The following LSAMP variants were observed in gnomAD, a reference collection of about 807,000 sequenced individuals.
The protein encoded by LSAMP is limbic system associated membrane protein, also known as limbic system-associated membrane protein.
LSAMP carries 7 observed loss-of-function variants against 38.6 expected under a neutral mutation model. That is an observed-to-expected ratio of 0.18 (90% CI 0.10 to 0.34). The LOEUF (loss-of-function observed/expected upper bound fraction) is 0.34. LSAMP is among the 10% of genes least tolerant of loss of function. The probability of loss-of-function intolerance (pLI) is 1.00; values close to 1 mark genes in which losing one functional copy is unlikely to be tolerated. For synonymous variants in LSAMP, 154 were observed against 166.8 expected (o/e 0.92, Z 0.59); for missense variants, 313 against 420.0 (o/e 0.75, Z 2.23).
At chr3:116,411,422 G>T (rs1274853240) in intron 1 of LSAMP, among the ~76,000 whole-genome samples, 2 of 151,582 alleles carry the variant, frequency 1.3e-5, no homozygotes, top group Non-Finnish European at 2.9e-5. Flanking sequence ...GTGGCACATA[G>T]ACACCATGGA....
chr3:116,230,693 A>G (rs2046393209), intron 1 of LSAMP, among the ~76,000 whole-genome samples: 1 of 152,100 alleles, frequency 6.6e-6, no homozygotes, highest in South Asian at 2.1e-4. Flanking sequence ...AATGTTCACC[A>G]ATTGCTGCCT....
intron 1 of LSAMP, among the ~76,000 whole-genome samples, chr3:116,133,713 T>C (rs1473809225): frequency 6.6e-6 from 1 of 152,246 alleles, no homozygotes; most frequent in African/African-American, 2.4e-5. Context: ...CAATACACTT[T>C]GATTAAAATA....
intron 1 of LSAMP, among the ~76,000 whole-genome samples, chr3:116,288,988 T>TA (rs1300372624): frequency 1.3e-5 from 2 of 152,344 alleles, no homozygotes; most frequent in Admixed American, 1.3e-4. Context: ...TCCATGAGTT[T>TA]ATTAGATTGG....
intron 1 of LSAMP, among the ~76,000 whole-genome samples, chr3:116,319,669 C>A (rs1263943704): frequency 6.6e-6 from 1 of 152,174 alleles, no homozygotes; most frequent in Non-Finnish European, 1.5e-5. Context: ...ATCGGCACCT[C>A]TCTAAAGGTC....
intron 6 of LSAMP, among the ~76,000 whole-genome samples, chr3:115,836,159 C>A (rs1217644609): frequency 2.0e-5 from 3 of 152,188 alleles, no homozygotes. Context: ...TACCCACCCT[C>A]CTTTCAGTGC....
At chr3:116,408,572 A>G (rs1431572086) in intron 1 of LSAMP, among the ~76,000 whole-genome samples, 1 of 152,066 alleles carries the variant, frequency 6.6e-6, no homozygotes, top group Non-Finnish European at 1.5e-5. Flanking sequence ...AAAAACATCC[A>G]GTCTTAACTA....
At position 115,815,545 on chromosome 3, in the gene LSAMP, G is replaced by A. The variant is rs1933991179; in HGVS notation, c.920-5131C>T. Among the ~76,000 whole-genome samples, 2 of 152,156 alleles carry A rather than the reference G, an allele frequency of 1.3e-5. 1 individual carries two copies. Among genetic ancestry groups the A allele is most frequent in the South Asian group, 4.1e-4 (2 of 4,824 alleles). On this transcript the variant is annotated intron_variant, in intron 6 of 6. Coordinates refer to ENST00000490035, the MANE Select transcript of LSAMP (RefSeq NM_002338.5). ...TCATCACATCTGTTTCATCAACACA[G>A]CAGCAAGTATTTTGGCATACAAGTT...
chr3:116,104,789 G>C (rs1354535463), intron 1 of LSAMP, among the ~76,000 whole-genome samples: 1 of 151,264 alleles, frequency 6.6e-6, no homozygotes, highest in Non-Finnish European at 1.5e-5. Context: ...TTTTTAAGAG[G>C]TGGTGCTCAT....
At chr3:116,065,065 G>A (rs1707389681) in intron 2 of LSAMP, among the ~76,000 whole-genome samples, 1 of 152,146 alleles carries the variant, frequency 6.6e-6, no homozygotes, top group South Asian at 2.1e-4. Context: ...GCATGTGAAT[G>A]GAATTTAACA....
chr3:116,441,884 C>G (rs2049440645), intron 1 of LSAMP, among the ~76,000 whole-genome samples: 1 of 152,168 alleles, frequency 6.6e-6, no homozygotes, highest in Admixed American at 6.5e-5. Context: ...GTGAATCACA[C>G]TTTGATTCTT....
chr3:116,333,429 C>T (rs1005472767), intron 1 of LSAMP, among the ~76,000 whole-genome samples: 1 of 151,354 alleles, frequency 6.6e-6, no homozygotes, highest in South Asian at 2.1e-4. Context: ...ATCCCAGCTA[C>T]TCAGGATGCT....
At chr3:116,391,585 C>G (rs1275444806) in intron 1 of LSAMP, among the ~76,000 whole-genome samples, 1 of 151,532 alleles carries the variant, frequency 6.6e-6, no homozygotes, top group Admixed American at 6.6e-5. Flanking sequence ...GGAAGCAGGG[C>G]GCGGGGGTGG....
chr3:115,827,119 G>A lies in LSAMP; in HGVS notation c.919+14726C>T, dbSNP rs1488098406. On this transcript the variant is annotated intron_variant, in intron 6 of 6. Transcript: ENST00000490035. ...GCAAGTTACTGCTTGGTTTCATTTT[G>A]TTTGCTTTGTTTTGTTTCTAGCTAT... Among the ~76,000 whole-genome samples, 4 of 152,182 alleles carry A rather than the reference G, an allele frequency of 2.6e-5. No individual in the cohort carries two copies. In the East Asian group the frequency reaches 7.7e-4, roughly 29 times the overall value.
chr3:116,437,179 T>C (rs1439843794), intron 1 of LSAMP, among the ~76,000 whole-genome samples: 1 of 151,838 alleles, frequency 6.6e-6, no homozygotes, highest in Admixed American at 6.6e-5. Flanking sequence ...CCAAACATCA[T>C]ATGTTCTCAC....
At chr3:116,267,818 T>C (rs991368114) in intron 1 of LSAMP, among the ~76,000 whole-genome samples, 1 of 152,124 alleles carries the variant, frequency 6.6e-6, no homozygotes, top group Non-Finnish European at 1.5e-5. Context: ...AATGTATTAA[T>C]GGGTGAGCGA....
In LSAMP at chr3:116,085,916, T is replaced by G. The variant is rs569939596; in HGVS notation, c.388+408A>C. ...ACAAAAAAGATAATTAGTGCTAATC[T>G]TCAGGGTGAGGACAGATAAACCCAA... On this transcript the variant is annotated intron_variant, in intron 2 of 6. Transcript: ENST00000490035. 4.6e-5 allele frequency among the ~76,000 whole-genome samples: 7 copies of G among 152,330 alleles called. No individual in the cohort carries two copies. The South Asian group carries it at 1.2e-3, about 27-fold the overall frequency.
At chr3:115,832,848 G>T (rs1044955086) in intron 6 of LSAMP, among the ~76,000 whole-genome samples, 2 of 152,178 alleles carry the variant, frequency 1.3e-5, no homozygotes, top group African/African-American at 4.8e-5. Flanking sequence ...CAACAGTTCA[G>T]TTTGTGGGAA....
intron 3 of LSAMP, among the ~76,000 whole-genome samples, chr3:115,966,011 T>C (rs1441378615): frequency 2.6e-5 from 4 of 152,190 alleles, no homozygotes; most frequent in African/African-American, 9.6e-5. Flanking sequence ...ATTTCTCTAT[T>C]GTTAGCTGGC....
At chr3:116,277,352 A>G (rs1267080848) in intron 1 of LSAMP, among the ~76,000 whole-genome samples, 1 of 151,432 alleles carries the variant, frequency 6.6e-6, no homozygotes, top group African/African-American at 2.4e-5. Flanking sequence ...TTTGAATATA[A>G]GAATTCATTT....
Sources: allele counts gnomAD v4.1 joint callset (sites outside exome capture counted in the v4.1 genomes callset), GRCh38; gene constraint gnomAD v4.1.1; transcripts MANE v1.5; gene names NCBI Gene and HGNC (gene_info 2026-07-23, HGNC 2026-07-21).